The following ZNG1A variants were observed in gnomAD, a reference collection of about 807,000 sequenced individuals.
The protein encoded by ZNG1A is Zn regulated GTPase metalloprotein activator 1A, also known as zinc-regulated GTPase metalloprotein activator 1A.
the ZNG1A span, chr9:122,953 G>GT: frequency 8.7e-7 from 1 of 1,153,260 alleles, no homozygotes; most frequent in African/African-American, 2.0e-5. Flanking sequence ...TTATTTCTCT[G>GT]TACTTGGGAA....
At chr9:163,702 A>T in the ZNG1A span, among the ~76,000 whole-genome samples, 1 of 151,800 alleles carries the variant, frequency 6.6e-6, no homozygotes, top group Non-Finnish European at 1.5e-5. Context: ...GGATCACCTG[A>T]AGTCAGGGGT....
At chr9:128,407 C>T in the ZNG1A span, among the ~76,000 whole-genome samples, 9 of 151,896 alleles carry the variant, frequency 5.9e-5, no homozygotes, top group South Asian at 2.1e-4. Flanking sequence ...TTATTGGATT[C>T]GGTTAATTAG....
At chr9:163,704 G>A in the ZNG1A span, among the ~76,000 whole-genome samples, 1 of 151,754 alleles carries the variant, frequency 6.6e-6, no homozygotes, top group Admixed American at 6.6e-5. Context: ...ATCACCTGAA[G>A]TCAGGGGTTC....
chr9:128,481 T>C, the ZNG1A span, among the ~76,000 whole-genome samples: 1 of 150,936 alleles, frequency 6.6e-6, no homozygotes, highest in African/African-American at 2.4e-5. Context: ...GCTAAGACTT[T>C]CCAGAGCATT....
chr9:125,111 T>C, the ZNG1A span, among the ~76,000 whole-genome samples: 4 of 152,364 alleles, frequency 2.6e-5, no homozygotes, highest in African/African-American at 4.8e-5. Flanking sequence ...GTTCTACTTT[T>C]AGTTCTTTAA....
the ZNG1A span, among the ~76,000 whole-genome samples, chr9:165,480 G>A: frequency 7.5e-6 from 1 of 132,842 alleles, no homozygotes; most frequent in East Asian, 2.1e-4. Flanking sequence ...TTAAAATTTG[G>A]ATGTAGGTAT....
the ZNG1A span, among the ~76,000 whole-genome samples, chr9:164,686 G>GCAAGAAA: frequency 6.9e-6 from 1 of 144,832 alleles, no homozygotes; most frequent in Non-Finnish European, 1.5e-5. Flanking sequence ...CACATACCCT[G>GCAAGAAA]ATTAGTATGC....
the ZNG1A span, among the ~76,000 whole-genome samples, chr9:143,028 G>A: frequency 1.3e-4 from 19 of 145,208 alleles, no homozygotes; most frequent in African/African-American, 4.8e-4. Flanking sequence ...CCAATAACAG[G>A]ATCTGAAATT....
At chr9:137,741 G>GA in the ZNG1A span, among the ~76,000 whole-genome samples, 3 of 141,312 alleles carry the variant, frequency 2.1e-5, no homozygotes, top group Non-Finnish European at 3.1e-5. Flanking sequence ...ACTAAGATGG[G>GA]AAAAAAAGAC....
At chr9:177,588 A>G in the ZNG1A span, 3 of 1,512,582 alleles carry the variant, frequency 2.0e-6, no homozygotes, top group Admixed American at 2.1e-5. Context: ...GTAGAAGCCA[A>G]AAGAACAGCG....
At chr9:141,870 A>G in the ZNG1A span, among the ~76,000 whole-genome samples, 1 of 152,196 alleles carries the variant, frequency 6.6e-6, no homozygotes, top group South Asian at 2.1e-4. Flanking sequence ...ATGGAAAACA[A>G]AACAAGGCAG....
chr9:177,808 A>C, the ZNG1A span: 1 of 1,492,430 alleles, frequency 6.7e-7, no homozygotes, highest in African/African-American at 1.4e-5. Flanking sequence ...TCAGCAGAGC[A>C]GCCTCTGAAT....
chr9:133,949 G>A, the ZNG1A span, among the ~76,000 whole-genome samples: 2 of 134,770 alleles, frequency 1.5e-5, no homozygotes, highest in African/African-American at 2.8e-5. Context: ...CGCCCCAAAC[G>A]CTCATGGAAA....
chr9:173,591 G>C, the ZNG1A span, among the ~76,000 whole-genome samples: 2 of 152,058 alleles, frequency 1.3e-5, no homozygotes, highest in African/African-American at 2.4e-5. Flanking sequence ...ATCCTAAACT[G>C]ATAAACATAC....
At chr9:139,806 C>G in the ZNG1A span, among the ~76,000 whole-genome samples, 5 of 151,450 alleles carry the variant, frequency 3.3e-5, no homozygotes, top group African/African-American at 1.2e-4. Context: ...TGGGTGCGTG[C>G]ACCATCCGCG....
At chr9:146,169 G>A in the ZNG1A span, 1 of 1,578,264 alleles carries the variant, frequency 6.3e-7, no homozygotes, top group East Asian at 2.2e-5. Context: ...CTAAAAGGAA[G>A]AAAACTAACG....
the ZNG1A span, chr9:160,125 T>G: frequency 2.2e-6 from 1 of 454,716 alleles, no homozygotes. Context: ...TCATTTTAAG[T>G]TGTCCAATTC....
At chr9:147,476 C>G in the ZNG1A span, 1 of 121,102 alleles carries the variant, frequency 8.3e-6, no homozygotes, top group Non-Finnish European at 1.6e-5. Context: ...CTCGTGGCAA[C>G]AATACTGTGT....
At chr9:141,686 T>A in the ZNG1A span, among the ~76,000 whole-genome samples, 2 of 151,628 alleles carry the variant, frequency 1.3e-5, no homozygotes, top group Admixed American at 6.6e-5. Context: ...AATTCACACA[T>A]AACGATATTA....
Sources: allele counts gnomAD v4.1 joint callset (sites outside exome capture counted in the v4.1 genomes callset), GRCh38; gene constraint gnomAD v4.1.1; transcripts MANE v1.5; gene names NCBI Gene and HGNC (gene_info 2026-07-23, HGNC 2026-07-21).